The following PRKCSH variants were observed in gnomAD, a reference collection of about 807,000 sequenced individuals.
The protein encoded by PRKCSH is glucosidase 2 subunit beta.
PRKCSH carries 42 observed loss-of-function variants against 79.7 expected under a neutral mutation model. The observed-to-expected ratio is 0.53, with a 90% confidence interval of 0.41 to 0.68. The LOEUF (loss-of-function observed/expected upper bound fraction) is 0.68, where lower values mean the gene tolerates loss of function less well. PRKCSH is among the 30% of genes least tolerant of loss of function. The probability of loss-of-function intolerance (pLI) is 0.00; values close to 1 mark genes in which losing one functional copy is unlikely to be tolerated. For missense variants in PRKCSH, 686 were observed against 709.0 expected (o/e 0.97, Z 0.37); for synonymous variants, 325 against 288.2 (o/e 1.13, Z -1.29).
At chr19:11,445,261 C>T (rs929718340) in intron 7 of PRKCSH, 128 bp from the exon 8 acceptor site, 29 of 809,416 alleles carry the variant, frequency 3.6e-5, no homozygotes, top group African/African-American at 3.4e-4. Context: ...CCTCCACAGT[C>T]GTGTCCTCAG....
rs767731958 is a variant in PRKCSH at position 11,448,301 on chromosome 19, G to A, written c.1196+10G>A. 6.4e-7 allele frequency: 1 copy of A among 1,570,070 alleles called. No individual in the cohort carries two copies. The highest frequency in any genetic ancestry group is 8.6e-7 in the Non-Finnish European group (1 of 1,157,334). On this transcript the variant is annotated intron_variant, in intron 13 of 17. Coordinates refer to ENST00000677123, the MANE Select transcript of PRKCSH (RefSeq NM_001289104.2). This position sits in a 1 kb window ranked among gnomAD's most constrained non-coding sequence, Gnocchi z 4.4. Reference sequence around the variant, plus strand: ...TGGAGGAGTCCATCAGGTAGCGGGGGCTGAGGAGCGGGGACACCTGTCCCA... The same window carrying A: ...TGGAGGAGTCCATCAGGTAGCGGGGACTGAGGAGCGGGGACACCTGTCCCA...
chr19:11,442,542 C>T (rs531630622), intron 7 of PRKCSH, 27 bp downstream of exon 7: 4 of 1,605,912 alleles, frequency 2.5e-6, no homozygotes, highest in East Asian at 4.5e-5. Context: ...CAAGGACTCA[C>T]CTTCAGTCCT....
chr19:11,446,925 C>T lies in PRKCSH; in HGVS notation c.763-149C>T, dbSNP rs377373284. On this transcript the variant is annotated intron_variant, in intron 9 of 17. Coordinates refer to ENST00000677123, the MANE Select transcript of PRKCSH (RefSeq NM_001289104.2). ...CGGGCCTGTGCTGCCCCCTCCTGGCCGCAGTGCCTCACTGGCGTGGCCCTG... is the reference window on the plus strand; with the variant it reads ...CGGGCCTGTGCTGCCCCCTCCTGGCTGCAGTGCCTCACTGGCGTGGCCCTG... The T allele has an allele frequency of 4.8e-5, 38 of 791,046 alleles. 1 individual carries two copies. The highest frequency in any genetic ancestry group is 3.6e-4 in the Admixed American group (18 of 49,940). The allele number at this position is 791,046 out of a possible 1,614,324, so 49.0% of individuals were successfully genotyped here.
rs948047439 is a variant in PRKCSH at position 11,447,304 on chromosome 19, C to A, written c.850-135C>A. ...GCACCCCCCACCGAGACCCCCCGAC[C>A]CCAGCTGTCGGTCCTCCCTGCAGGC... On this transcript the variant is annotated intron_variant, in intron 10 of 17. Transcript: ENST00000677123. This position sits in a 1 kb window ranked among gnomAD's most constrained non-coding sequence, Gnocchi z 5.6. 3.0e-6 allele frequency: 4 copies of A among 1,338,828 alleles called. No homozygotes were observed. Among genetic ancestry groups the A allele is most frequent in the African/African-American group, 1.4e-5 (1 of 69,246 alleles). The allele number at this position is 1,338,828 out of a possible 1,614,324, so 82.9% of individuals were successfully genotyped here. A position where few individuals can be genotyped will look rare whatever the true frequency, so the allele number is the denominator to read the frequency against.
Position 11,449,030 on chromosome 19 carries a change from G to C in PRKCSH, c.1361+42G>C. 1 of 1,612,958 alleles carries C rather than the reference G, an allele frequency of 6.2e-7. No individual in the cohort carries two copies. Among genetic ancestry groups the C allele is most frequent in the Non-Finnish European group, 8.5e-7 (1 of 1,179,950 alleles). ...GGCCCCTTCCCTCTGCCTCCTCCTG[G>C]TGCCCCGACACCGGCCCAGCCCTCA... On this transcript the variant is annotated intron_variant, in intron 15 of 17. Coordinates refer to ENST00000677123, the MANE Select transcript of PRKCSH (RefSeq NM_001289104.2). The surrounding 1 kb of genome is among the most constrained non-coding windows in gnomAD (Gnocchi z 6.4).
chr19:11,447,720 C>A lies in PRKCSH; in HGVS notation c.1057C>A (p.Gln353Lys). Reference protein sequence around the residue: ...KEAPPPLSPPQPASPAEEDKM... With the variant: ...KEAPPPLSPPKPASPAEEDKM... ...GGCCCCACCGCCACTGTCACCCCCG[C>A]AGCCGGCCAGCCCTGCTGAGGAAGA... Residue 353 changes from glutamine (Q) to lysine (K), a missense_variant, in exon 12 of 18, where the codon CAG (glutamine) becomes AAG (lysine). Around this residue, in one of 2 missense-constraint regions of PRKCSH, gnomAD observed 549 missense variants for 520.2 expected, o/e 1.06. Transcript: ENST00000677123. The surrounding 1 kb of genome is among the most constrained non-coding windows in gnomAD (Gnocchi z 5.6). 3 of 1,589,460 alleles carry A rather than the reference C, an allele frequency of 1.9e-6. No individual in the cohort carries two copies. The highest frequency in any genetic ancestry group is 1.1e-5 in the South Asian group (1 of 87,488).
In PRKCSH at chr19:11,448,723, A is replaced by G; in HGVS notation, c.1286+94A>G. 7.1e-7 allele frequency: 1 copy of G among 1,402,316 alleles called. No individual in the cohort carries two copies. The highest frequency in any genetic ancestry group is 1.0e-6 in the Non-Finnish European group (1 of 991,142). 86.9% of individuals were successfully genotyped at this position (1,402,316 alleles called of 1,614,324 possible). On this transcript the variant is annotated intron_variant, in intron 14 of 17. Transcript: ENST00000677123. The surrounding 1 kb of genome is among the most constrained non-coding windows in gnomAD (Gnocchi z 4.4). ...GCAGTTTCCTGATGGTTGGGGAACC[A>G]TCTGCGGGTGGGGCCCGAGAGTGCT...
At chr19:11,443,471 G>A (rs535539258) in intron 7 of PRKCSH, among the ~76,000 whole-genome samples, 1 of 152,046 alleles carries the variant, frequency 6.6e-6, no homozygotes, top group Admixed American at 6.6e-5. Flanking sequence ...CTTGAACCAG[G>A]AAGTTGGAGG....
At position 11,447,788 on chromosome 19, in the gene PRKCSH, T is replaced by C; in HGVS notation, c.1125T>C (p.Asp375=). The change falls in exon 12 of 18, where the codon GAT becomes GAC. Residue 375 remains aspartate (D), a splice_region_variant and synonymous_variant. Coordinates refer to ENST00000677123, the MANE Select transcript of PRKCSH (RefSeq NM_001289104.2). The surrounding 1 kb of genome is among the most constrained non-coding windows in gnomAD (Gnocchi z 5.6). ...ACGAGCAGACGCAGGCCTTCATCGA[T>C]GGTGAGGGTGGGCGGGGGCCAGGCT... ...PYDEQTQAFI[D]AAQEARNKFE... The C allele has an allele frequency of 6.4e-7, 1 of 1,568,018 alleles. No individual in the cohort carries two copies. The highest frequency in any genetic ancestry group is 8.6e-7 in the Non-Finnish European group (1 of 1,158,016).
At chr19:11,443,735 A>G (rs947803887) in intron 7 of PRKCSH, among the ~76,000 whole-genome samples, 1 of 152,074 alleles carries the variant, frequency 6.6e-6, no homozygotes, top group African/African-American at 2.4e-5. Flanking sequence ...AGCTTTTTCT[A>G]TCTGGGGTTT....
Position 11,435,677 on chromosome 19 carries a change from G to A in PRKCSH, c.-107G>A. 1.5e-6 allele frequency: 2 copies of A among 1,303,664 alleles called. No individual in the cohort carries two copies. Among genetic ancestry groups the A allele is most frequent in the Non-Finnish European group, 2.0e-6 (2 of 998,826 alleles). The allele number at this position is 1,303,664 out of a possible 1,614,324, so 80.8% of individuals were successfully genotyped here. On this transcript the variant is annotated 5_prime_UTR_variant, in exon 1 of 18. Transcript: ENST00000677123. ...CGCGGCTGCTGGACAAGAGGGGTGC[G>A]GTGGATACTGACCTTTGCTCCGGCC...
chr19:11,436,658 C>T, intron 3 of PRKCSH, 153 bp downstream of exon 3: 1 of 708,080 alleles, frequency 1.4e-6, no homozygotes, highest in Non-Finnish European at 2.5e-6. Flanking sequence ...TGGCCCCGGG[C>T]AGCTGGAGGA....
chr19:11,449,403 C>T lies in PRKCSH; in HGVS notation c.1599C>T (p.Asp533=), dbSNP rs767326469. The change falls in exon 17 of 18, where the codon GAC becomes GAT. Residue 533 remains aspartate (D), a synonymous_variant. Transcript: ENST00000677123. The surrounding 1 kb of genome is among the most constrained non-coding windows in gnomAD (Gnocchi z 6.4). ...PPEAPTEDDH[D]EL is the part of the protein sequence containing the mutation. ...AAGCACCCACCGAAGACGACCATGA[C>T]GAGCTCTAGCTGGATGGGCGCAGAG... The T allele has an allele frequency of 3.7e-6, 6 of 1,613,030 alleles. No individual in the cohort carries two copies. The highest frequency in any genetic ancestry group is 2.7e-5 in the African/African-American group (2 of 74,930).
chr19:11,438,721 A>G lies in PRKCSH; in HGVS notation c.350+597A>G, dbSNP rs189452522. ...AGTGAGCCGAGATCGCACCACTGCA[A>G]TCCAGCCTGGGCAACAGAGTGAGAC... On this transcript the variant is annotated intron_variant, in intron 5 of 17. Coordinates refer to ENST00000677123, the MANE Select transcript of PRKCSH (RefSeq NM_001289104.2). Among the ~76,000 whole-genome samples, 602 of 149,432 alleles carry G rather than the reference A, an allele frequency of 4.0e-3. 9 individuals carry two copies. The highest frequency in any genetic ancestry group is 0.033 in the Admixed American group (490 of 15,026).
intron 8 of PRKCSH, chr19:11,445,966 A>G: frequency 3.7e-6 from 2 of 545,264 alleles, no homozygotes; most frequent in Non-Finnish European, 6.6e-6. Context: ...GGACCAAGGC[A>G]GATGGCAGCT....
At chr19:11,445,276 C>T in intron 7 of PRKCSH, 113 bp from the exon 8 acceptor site, 4 of 951,918 alleles carry the variant, frequency 4.2e-6, no homozygotes, top group South Asian at 2.6e-5. Flanking sequence ...CCTCAGGGTC[C>T]AGCATGGGGC....
In PRKCSH at chr19:11,436,025, C is replaced by T. The variant is rs1335384206; in HGVS notation, c.-77-16C>T. The T allele has an allele frequency of 6.5e-6, 10 of 1,538,042 alleles. No individual in the cohort carries two copies. Among genetic ancestry groups the T allele is most frequent in the Non-Finnish European group, 8.9e-6 (10 of 1,125,258 alleles). On this transcript the variant is annotated splice_polypyrimidine_tract_variant and intron_variant, in intron 1 of 17. Transcript: ENST00000677123. Reference sequence around the variant, plus strand: ...TAGCCCTCTCCCACTGACCGGGATCCGCTTTCTTCCTGCAGCGTGAAGACA... The same window carrying T: ...TAGCCCTCTCCCACTGACCGGGATCTGCTTTCTTCCTGCAGCGTGAAGACA...
intron 8 of PRKCSH, 60 bp from the exon 9 acceptor site, chr19:11,446,212 C>T (rs1970288627): frequency 1.3e-6 from 2 of 1,575,348 alleles, no homozygotes. Flanking sequence ...CACATGGTGC[C>T]CCCAACTGAG....
In PRKCSH at chr19:11,448,453, G is replaced by C; in HGVS notation, c.1197-87G>C. ...CAGGGAGGACAGCCTGGGCACCATT[G>C]CTCAGCCAGACCCTCCTGTGTCTGT... On this transcript the variant is annotated intron_variant, in intron 13 of 17. Coordinates refer to ENST00000677123, the MANE Select transcript of PRKCSH (RefSeq NM_001289104.2). The surrounding 1 kb of genome is among the most constrained non-coding windows in gnomAD (Gnocchi z 4.4). 2.0e-6 allele frequency: 3 copies of C among 1,477,586 alleles called. No homozygotes were observed. Among genetic ancestry groups the C allele is most frequent in the Non-Finnish European group, 2.8e-6 (3 of 1,058,428 alleles). 91.5% of individuals were successfully genotyped at this position (1,477,586 alleles called of 1,614,324 possible). A position where few individuals can be genotyped will look rare whatever the true frequency, so the allele number is the denominator to read the frequency against.
Sources: allele counts gnomAD v4.1 joint callset (sites outside exome capture counted in the v4.1 genomes callset), GRCh38; gene constraint gnomAD v4.1.1; regional missense constraint gnomAD v4.1.1; non-coding constraint Gnocchi (gnomAD v3.1); transcripts MANE v1.5; gene names NCBI Gene and HGNC (gene_info 2026-07-23, HGNC 2026-07-21).